Variants in LRRK2 observed in about 807,000 individuals in gnomAD.
LRRK2 encodes the protein leucine rich repeat kinase 2.
In LRRK2, 203 loss-of-function variants were observed where a neutral mutation model predicts 302.6. The observed-to-expected ratio is 0.67, with a 90% CI of 0.60 to 0.75. The LOEUF is 0.75. Among genes scored for constraint, LRRK2 ranks in the 30% least tolerant of loss-of-function variants. The pLI, the probability that LRRK2 is intolerant of heterozygous loss-of-function variation, is 0.00. For synonymous variants in LRRK2, 1,066 were observed against 1,031.9 expected (o/e 1.03, Z -0.63); for missense variants, 2,830 against 2,951.0 (o/e 0.96, Z 0.95).
intron 46 of LRRK2, among the ~76,000 whole-genome samples, chr12:40,357,223 C>T (rs760883592): frequency 5.3e-5 from 8 of 152,188 alleles, no homozygotes; most frequent in Non-Finnish European, 8.8e-5. Flanking sequence ...TTTCACTTAA[C>T]ATAATGACCT....
At chr12:40,296,202 C>T (rs1944379923) in intron 23 of LRRK2, among the ~76,000 whole-genome samples, 1 of 151,992 alleles carries the variant, frequency 6.6e-6, no homozygotes, top group African/African-American at 2.4e-5. Flanking sequence ...TAAAGTATAA[C>T]ATAGTTTGTT....
At chr12:40,239,842 A>G (rs748502834) in intron 5 of LRRK2, among the ~76,000 whole-genome samples, 1 of 152,166 alleles carries the variant, frequency 6.6e-6, no homozygotes, top group African/African-American at 2.4e-5. Context: ...TTTCTAACAT[A>G]TTTCTGGCGC....
chr12:40,308,695 A>C lies in LRRK2; in HGVS notation c.4188A>C (p.Ala1396=). ...TCGTCCTAAATGTGTGGGATTTTGCAGGTATTTCTTTCTATAGAATTTTAA... is the reference window on the plus strand; with the variant it reads ...TCGTCCTAAATGTGTGGGATTTTGCCGGTATTTCTTTCTATAGAATTTTAA... ...RDLVLNVWDF[A]GREEFYSTHP... The change falls in exon 29 of 51, where the codon GCA becomes GCC. Residue 1396 remains alanine, a splice_region_variant and synonymous_variant. Transcript: ENST00000298910. The C allele has an allele frequency of 1.2e-6, 2 of 1,613,002 alleles. No individual in the cohort carries two copies. Among genetic ancestry groups the C allele is most frequent in the Non-Finnish European group, 1.7e-6 (2 of 1,179,274 alleles).
At chr12:40,320,278 A>T in intron 34 of LRRK2, 103 bp downstream of exon 34, 1 of 965,080 alleles carries the variant, frequency 1.0e-6, no homozygotes, top group Admixed American at 2.6e-5. Context: ...TAAATAAATA[A>T]ATATATTTTG....
At chr12:40,264,689 G>C (rs17443594) in intron 14 of LRRK2, among the ~76,000 whole-genome samples, 67 of 152,194 alleles carry the variant, frequency 4.4e-4, no homozygotes, top group Non-Finnish European at 7.5e-4. Context: ...CCTTTTCATT[G>C]TTCTCCGGAG....
At chr12:40,337,248 G>C (rs1440017096) in intron 40 of LRRK2, among the ~76,000 whole-genome samples, 1 of 152,124 alleles carries the variant, frequency 6.6e-6, no homozygotes, top group Admixed American at 6.6e-5. Context: ...TTAAATGCTG[G>C]AGCTGTTTAG....
intron 16 of LRRK2, among the ~76,000 whole-genome samples, chr12:40,275,887 C>A (rs1592205137): frequency 1.3e-5 from 2 of 152,236 alleles, no homozygotes; most frequent in Admixed American, 1.3e-4. Flanking sequence ...GCTGGGATTA[C>A]AGGTGTGAGC....
chr12:40,291,167 A>G lies in LRRK2; in HGVS notation c.2690-2378A>G, dbSNP rs1348340566. 3.9e-5 allele frequency among the ~76,000 whole-genome samples: 6 copies of G among 152,102 alleles called. No homozygotes were observed. In the South Asian group the frequency reaches 1.0e-3, roughly 26 times the overall value. ...AGCTGGAAACCATCGTTCTCAGCAA[A>G]CTATTGCAAGGACAAAAAACCAAAC... On this transcript the variant is annotated intron_variant, in intron 20 of 50. Transcript: ENST00000298910.
chr12:40,317,404 G>C (rs775432664), intron 33 of LRRK2, among the ~76,000 whole-genome samples: 1 of 152,056 alleles, frequency 6.6e-6, no homozygotes, highest in African/African-American at 2.4e-5. Flanking sequence ...TTGTCTGACA[G>C]CTATTAGCAA....
chr12:40,286,612 A>G (rs574369715), intron 19 of LRRK2: 1 of 152,206 alleles, frequency 6.6e-6, no homozygotes, highest in Admixed American at 6.6e-5. Flanking sequence ...AGGAGGCCTA[A>G]CCAGCATTGT....
intron 13 of LRRK2, among the ~76,000 whole-genome samples, chr12:40,262,875 C>A (rs17443552): frequency 0.12 from 17,931 of 152,214 alleles, 1,137 homozygotes; most frequent in South Asian, 0.16. Flanking sequence ...TTGCCCCAGA[C>A]CACACGGCAA....
intron 35 of LRRK2, among the ~76,000 whole-genome samples, chr12:40,321,718 G>T (rs554035093): frequency 6.6e-6 from 1 of 151,974 alleles, no homozygotes; most frequent in Non-Finnish European, 1.5e-5. Context: ...AAAGTTTTGC[G>T]TTTAGCATGA....
At chr12:40,255,012 G>A (rs1942439329) in intron 11 of LRRK2, among the ~76,000 whole-genome samples, 1 of 152,218 alleles carries the variant, frequency 6.6e-6, no homozygotes, top group Non-Finnish European at 1.5e-5. Flanking sequence ...CAGAAGAACT[G>A]CGTCCTTGGA....
Position 40,259,525 on chromosome 12 carries a change from A to T in LRRK2, c.1464A>T (p.Leu488=), listed in dbSNP as rs75711334. The T allele has an allele frequency of 4.0e-5, 65 of 1,613,244 alleles. No homozygotes were observed. The highest frequency in any genetic ancestry group is 5.3e-5 in the Non-Finnish European group (62 of 1,179,506). Residue 488 remains leucine (L), a synonymous_variant, in exon 13 of 51, where the codon CTA becomes CTT. Transcript: ENST00000298910. The stretch of plus-strand genomic sequence containing the variant: ...TGGCAGCAGTGGTCCCCAAAATACT[A>T]ACAGTTATGAAACGTCATGAGACAT... The part of the protein sequence containing the change: ...DIMAAVVPKI[L]TVMKRHETSL...
At position 40,287,549 on chromosome 12, in the gene LRRK2, A is replaced by AT. The variant is rs757856850; in HGVS notation, c.2689+11dup. ...GACCTGGATAGTGAAGGTATTTATT[A>AT]TAAAAAAAAACCCTTTATGCTTTAT... On this transcript the variant is annotated intron_variant, in intron 20 of 50. Coordinates refer to ENST00000298910, the MANE Select transcript of LRRK2 (RefSeq NM_198578.4). 3.1e-6 allele frequency: 5 copies of AT among 1,607,234 alleles called. No homozygotes were observed. The Admixed American group carries it at 5.1e-5, about 16-fold the overall frequency.
chr12:40,243,789 A>C, intron 7 of LRRK2, 108 bp downstream of exon 7: 1 of 1,078,968 alleles, frequency 9.3e-7, no homozygotes, highest in Non-Finnish European at 1.4e-6. Flanking sequence ...ACATACTTTG[A>C]ATGAAAATAT....
chr12:40,313,947 C>T (rs200207504), intron 31 of LRRK2, 25 bp from the exon 32 acceptor site: 46 of 1,596,770 alleles, frequency 2.9e-5, no homozygotes, highest in East Asian at 6.7e-5. Context: ...TAGATTTTTA[C>T]GGCTTGTCAT....
At position 40,363,389 on chromosome 12, in the gene LRRK2, T is replaced by G. The variant is rs996158518; in HGVS notation, c.7029-13T>G. On this transcript the variant is annotated splice_polypyrimidine_tract_variant and intron_variant, in intron 47 of 50. Coordinates refer to ENST00000298910, the MANE Select transcript of LRRK2 (RefSeq NM_198578.4). The stretch of plus-strand genomic sequence containing the variant: ...ACAAATAGTGATGACTTTCTATTTT[T>G]TTTTCTCTGTAGGTTTTCTTATGCA... 6.2e-7 allele frequency: 1 copy of G among 1,609,986 alleles called. No homozygotes were observed. Among genetic ancestry groups the G allele is most frequent in the Admixed American group, 1.7e-5 (1 of 59,708 alleles).
At position 40,335,096 on chromosome 12, in the gene LRRK2, A is replaced by G. The variant is rs1330679125; in HGVS notation, c.5887A>G (p.Lys1963Glu). 1.2e-5 allele frequency: 19 copies of G among 1,613,954 alleles called. No homozygotes were observed. Residue 1963 changes from lysine to glutamate, a missense_variant, in exon 40 of 51, where the codon AAA (lysine) becomes GAA (glutamate). By Grantham distance (56) the Lys-to-Glu change is moderately conservative (BLOSUM62 1). Coordinates refer to ENST00000298910, the MANE Select transcript of LRRK2 (RefSeq NM_198578.4). ...CTTGGATCGCCTGCTTCAGCAGGAC[A>G]AAGCCAGCCTCACTAGAACCCTACA... ...GSLDRLLQQD[K>E]ASLTRTLQHR...
Sources: gnomAD v4.1 joint callset for allele counts (sites outside exome capture counted in the v4.1 genomes callset) on GRCh38, gnomAD v4.1.1 for gene constraint, MANE v1.5 for transcripts, NCBI Gene and HGNC (gene_info 2026-07-23, HGNC 2026-07-21) for gene names.